Variants in KIAA1217 observed in about 807,000 individuals in gnomAD.
KIAA1217 encodes KIAA1217, also known as sickle tail protein homolog.
Under a neutral mutation model 163.9 loss-of-function variants are expected in KIAA1217, and 88 were observed. The observed-to-expected ratio is 0.54, with a 90% CI of 0.45 to 0.64. The LOEUF (loss-of-function observed/expected upper bound fraction) is 0.64, where lower values mean the gene tolerates loss of function less well. Among genes scored for constraint, KIAA1217 ranks in the 30% least tolerant of loss-of-function variants. KIAA1217 has a pLI of 0.00. For missense variants in KIAA1217, 2,372 were observed against 2,475.0 expected, an observed-to-expected ratio of 0.96 and a Z score of 0.88; for synonymous variants, 903 against 923.1, an observed-to-expected ratio of 0.98 and a Z score of 0.39.
chr10:23,863,230 T>C (rs531699321), intron 1 of KIAA1217, among the ~76,000 whole-genome samples: 2 of 152,268 alleles, frequency 1.3e-5, no homozygotes, highest in Admixed American at 1.3e-4. Flanking sequence ...CAATGCATAT[T>C]AACGATTGTT....
chr10:23,933,294 A>G (rs1468081044), intron 1 of KIAA1217, among the ~76,000 whole-genome samples: 1 of 152,188 alleles, frequency 6.6e-6, no homozygotes, highest in Non-Finnish European at 1.5e-5. Context: ...GGACAATGCC[A>G]TCTTTACCGG....
intron 1 of KIAA1217, among the ~76,000 whole-genome samples, chr10:23,870,784 C>T (rs1175560976): frequency 2.6e-5 from 4 of 152,130 alleles, no homozygotes; most frequent in Non-Finnish European, 5.9e-5. Context: ...AAAATCAAGG[C>T]TCTCCCTCAG....
At chr10:24,273,852 C>CA (rs768025622) in intron 2 of KIAA1217, among the ~76,000 whole-genome samples, 287 of 119,924 alleles carry the variant, frequency 2.4e-3, no homozygotes, top group South Asian at 5.0e-3. Flanking sequence ...GACTCTGTCT[C>CA]AAAAAAAAAA....
intron 1 of KIAA1217, among the ~76,000 whole-genome samples, chr10:23,987,245 T>C (rs958987711): frequency 6.6e-6 from 1 of 151,788 alleles, no homozygotes; most frequent in African/African-American, 2.4e-5. Context: ...GGTGTGGTGG[T>C]GGACGCCTGT....
chr10:23,792,637 C>T (rs926015495), intron 1 of KIAA1217, among the ~76,000 whole-genome samples: 2 of 151,040 alleles, frequency 1.3e-5, no homozygotes, highest in Non-Finnish European at 3.0e-5. Flanking sequence ...GGACTACAGG[C>T]GCCTGCCACC....
intron 1 of KIAA1217, among the ~76,000 whole-genome samples, chr10:23,903,634 T>C (rs1300319635): frequency 6.6e-6 from 1 of 152,034 alleles, no homozygotes; most frequent in Non-Finnish European, 1.5e-5. Flanking sequence ...TTCCTACAGG[T>C]ATAGGACAGG....
chr10:24,525,078 G>A (rs957793375), intron 13 of KIAA1217, among the ~76,000 whole-genome samples: 3 of 151,966 alleles, frequency 2.0e-5, no homozygotes, highest in Admixed American at 6.6e-5. Flanking sequence ...GGTTGTGGCG[G>A]CGGGGTGGGG....
chr10:24,195,229 C>A lies in KIAA1217; in HGVS notation c.-170-24397C>A, dbSNP rs1216876264. 2.6e-5 allele frequency among the ~76,000 whole-genome samples: 4 copies of A among 152,190 alleles called. No homozygotes were observed. In the East Asian group the frequency reaches 7.7e-4, roughly 29 times the overall value. ...GCATCCCTGGAAGTATGATCAAAAC[C>A]CTGTCCAGTCCCATGGAAACTCTGC... On this transcript the variant is annotated intron_variant, in intron 2 of 18. Coordinates refer to the KIAA1217 transcript ENST00000376462.
chr10:23,875,958 G>A (rs1840672400), intron 1 of KIAA1217, among the ~76,000 whole-genome samples: 1 of 151,104 alleles, frequency 6.6e-6, no homozygotes, highest in African/African-American at 2.4e-5. Flanking sequence ...GGGGGGTGGG[G>A]GGCTGGGTGA....
intron 1 of KIAA1217, among the ~76,000 whole-genome samples, chr10:23,847,514 A>C (rs1019047169): frequency 3.3e-5 from 5 of 152,136 alleles, no homozygotes; most frequent in African/African-American, 9.7e-5. Flanking sequence ...TTATTTGCAT[A>C]GAGGTGTTTA....
chr10:24,106,875 G>GTTGA (rs951231965), intron 2 of KIAA1217, among the ~76,000 whole-genome samples: 5 of 152,130 alleles, frequency 3.3e-5, no homozygotes, highest in African/African-American at 1.2e-4. Flanking sequence ...TGGTTGGTTG[G>GTTGA]TTTTGTTTTT....
At chr10:24,070,814 A>T (rs1184353625) in intron 2 of KIAA1217, among the ~76,000 whole-genome samples, 1 of 152,226 alleles carries the variant, frequency 6.6e-6, no homozygotes, top group African/African-American at 2.4e-5. Context: ...TTTAGAGAAC[A>T]CTATGCAAAT....
At position 24,495,096 on chromosome 10, in the gene KIAA1217, A is replaced by G. The variant is rs778205172; in HGVS notation, c.1785-51A>G. ...GATGGAATGGGCTTTAAAAAAAAAAAAAAAGGCATTTTGGAAACTGCATAG... is the reference window on the plus strand; with the variant it reads ...GATGGAATGGGCTTTAAAAAAAAAAGAAAAGGCATTTTGGAAACTGCATAG... On this transcript the variant is annotated intron_variant, in intron 7 of 20. Transcript: ENST00000376454. 7.8e-6 allele frequency: 12 copies of G among 1,529,406 alleles called. No homozygotes were observed. In the African/African-American group the frequency reaches 8.4e-5, roughly 11 times the overall value. The allele number at this position is 1,529,406 out of a possible 1,614,324, so 94.7% of individuals were successfully genotyped here. A position where few individuals can be genotyped will look rare whatever the true frequency, so the allele number is the denominator to read the frequency against.
chr10:24,481,434 G>C (rs1168747436), intron 6 of KIAA1217: 1 of 152,116 alleles, frequency 6.6e-6, no homozygotes, highest in Non-Finnish European at 1.5e-5. Flanking sequence ...ATGTCTCCTT[G>C]TGAGTCAGAG....
chr10:24,529,228 A>G (rs1456152238), intron 14 of KIAA1217, among the ~76,000 whole-genome samples: 3 of 152,160 alleles, frequency 2.0e-5, no homozygotes, highest in Non-Finnish European at 4.4e-5. Flanking sequence ...CCCATTGGAT[A>G]CCAAAATCTG....
At chr10:24,098,154 T>C (rs1186346157) in intron 2 of KIAA1217, among the ~76,000 whole-genome samples, 1 of 151,902 alleles carries the variant, frequency 6.6e-6, no homozygotes, top group Non-Finnish European at 1.5e-5. Context: ...CAGCTCTCAG[T>C]AAAGCATATG....
chr10:23,801,889 A>G (rs1322806328), intron 1 of KIAA1217, among the ~76,000 whole-genome samples: 1 of 152,214 alleles, frequency 6.6e-6, no homozygotes, highest in Non-Finnish European at 1.5e-5. Context: ...AAAACCATTA[A>G]GCTCTCTCTC....
chr10:23,856,291 G>T (rs1001475802), intron 1 of KIAA1217, among the ~76,000 whole-genome samples: 1 of 152,220 alleles, frequency 6.6e-6, no homozygotes, highest in African/African-American at 2.4e-5. Context: ...GACCCTGTTT[G>T]CCTGGGTATC....
intron 1 of KIAA1217, among the ~76,000 whole-genome samples, chr10:23,836,066 A>T (rs1462062228): frequency 6.6e-6 from 1 of 152,134 alleles, no homozygotes; most frequent in East Asian, 1.9e-4. Flanking sequence ...TATTTCTATT[A>T]TTCTTGGAAA....
Sources: allele counts gnomAD v4.1 joint callset (sites outside exome capture counted in the v4.1 genomes callset), GRCh38; gene constraint gnomAD v4.1.1; transcripts MANE v1.5; gene names NCBI Gene and HGNC (gene_info 2026-07-23, HGNC 2026-07-21).